Variants in E2F7 observed in about 807,000 individuals in gnomAD.
E2F7 encodes transcription factor E2F7.
In E2F7, 35 loss-of-function variants were observed where a neutral mutation model predicts 81.1. The ratio of observed to expected loss-of-function variants is 0.43; its 90% confidence interval spans 0.33 to 0.57. E2F7 has a LOEUF of 0.57. E2F7 is among the 20% of genes least tolerant of loss of function. The probability of loss-of-function intolerance (pLI) is 0.04; values close to 1 mark genes in which losing one functional copy is unlikely to be tolerated. For synonymous variants in E2F7, 416 were observed against 416.2 expected, an observed-to-expected ratio of 1.00 and a Z score of 0.01; for missense variants, 961 against 1,093.7, an observed-to-expected ratio of 0.88 and a Z score of 1.71.
chr12:77,027,736 A>C (rs1210100009), intron 11 of E2F7, 147 bp downstream of exon 11: 3 of 1,067,574 alleles, frequency 2.8e-6, no homozygotes, highest in Non-Finnish European at 3.9e-6. Flanking sequence ...CTTCATTTAT[A>C]GATGGAGAAA....
chr12:77,022,077 C>T lies in E2F7; in HGVS notation c.*1938G>A, dbSNP rs1457067973. The T allele has an allele frequency of 6.6e-6, 1 of 152,132 alleles. No individual in the cohort carries two copies. The highest frequency in any genetic ancestry group is 1.5e-5 in the Non-Finnish European group (1 of 68,020). 9.4% of individuals were successfully genotyped at this position (152,132 alleles called of 1,614,324 possible). A position where few individuals can be genotyped will look rare whatever the true frequency, so the allele number is the denominator to read the frequency against. ...CAAAAATGTTAAAACAAGTATAGAG[C>T]ATTCAGGAACAGTGAGGGGAAAAGC... On this transcript the variant is annotated 3_prime_UTR_variant, in exon 13 of 13. Coordinates refer to ENST00000322886, the MANE Select transcript of E2F7 (RefSeq NM_203394.3).
Position 77,064,548 on chromosome 12 carries a change from G to A in E2F7, c.88C>T (p.Gln30Ter). The change falls in exon 2 of 13, where the codon CAA (glutamine) becomes TAA (stop). Residue 30 changes from glutamine (Q) to a stop codon, truncating the protein, a stop_gained. Transcript: ENST00000322886. LOFTEE classifies it high-confidence loss of function. ...DFAVEDGENA[Q>*]KENIFVDRSR... ...AGGTGTTTATGTTTGCTTACCTTTT[G>A]TGCATTTTCCCCATCTTCAACTGCA... The A allele has an allele frequency of 7.4e-6, 12 of 1,613,864 alleles. No individual in the cohort carries two copies. The highest frequency in any genetic ancestry group is 1.0e-5 in the Non-Finnish European group (12 of 1,179,806).
chr12:77,045,160 G>C (rs1709912967), intron 5 of E2F7, among the ~76,000 whole-genome samples: 1 of 152,190 alleles, frequency 6.6e-6, no homozygotes, highest in South Asian at 2.1e-4. Flanking sequence ...ATTGTTTTCA[G>C]AGCCTCAACT....
rs1255060580 is a variant in E2F7 at position 77,030,027 on chromosome 12, T to C, written c.1688A>G (p.Glu563Gly). ...TGACCCTGACCCTGACGCTGGTCCC[T>C]CCTGCAGACTTCCATACAGCATGAA... The part of the protein sequence containing the change: ...SLFMLYGSLQ[E>G]GPASGSGSER... Residue 563 changes from glutamate to glycine, a missense_variant, in exon 10 of 13, where the codon GAG becomes GGG. This residue lies in a region of E2F7 where 587 missense variants were observed against 620.3 expected (regional missense o/e 0.95). Transcript: ENST00000322886. 6.2e-7 allele frequency: 1 copy of C among 1,614,216 alleles called. No individual in the cohort carries two copies. Among genetic ancestry groups the C allele is most frequent in the East Asian group, 2.2e-5 (1 of 44,878 alleles).
chr12:77,030,766 G>A (rs1298738041), intron 9 of E2F7, among the ~76,000 whole-genome samples: 1 of 152,180 alleles, frequency 6.6e-6, no homozygotes, highest in Non-Finnish European at 1.5e-5. Context: ...CGCAGAGGTT[G>A]ATCACCCTGC....
intron 11 of E2F7, 62 bp downstream of exon 11, chr12:77,027,821 T>A (rs1184551971): frequency 2.5e-6 from 4 of 1,576,480 alleles, no homozygotes; most frequent in Non-Finnish European, 3.4e-6. Flanking sequence ...GACAAAAATT[T>A]AAAAATCCAA....
rs1346029122 is a variant in E2F7 at position 77,023,941 on chromosome 12, TGGTTTGCATCCCGCCTC to T, written c.*57_*73del. ...GGAAGGACCCGTGCTCAGGACGGGA[TGGTTTGCATCCCGCCTC>T]GGACATCCGGGACTCTCAGGGCGTT... On this transcript the variant is annotated 3_prime_UTR_variant, in exon 13 of 13. Coordinates refer to ENST00000322886, the MANE Select transcript of E2F7 (RefSeq NM_203394.3). The T allele has an allele frequency of 1.9e-6, 3 of 1,549,072 alleles. No individual in the cohort carries two copies. Among genetic ancestry groups the T allele is most frequent in the Admixed American group, 1.9e-5 (1 of 52,612 alleles).
chr12:77,047,809 G>C (rs1280382208), intron 4 of E2F7, among the ~76,000 whole-genome samples: 2 of 152,192 alleles, frequency 1.3e-5, no homozygotes, highest in African/African-American at 4.8e-5. Flanking sequence ...GAAGGTGCTG[G>C]CAGGAGCAGG....
chr12:77,037,355 C>T (rs752777197), intron 7 of E2F7, among the ~76,000 whole-genome samples: 14 of 152,248 alleles, frequency 9.2e-5, no homozygotes, highest in Non-Finnish European at 1.9e-4. Flanking sequence ...CTTTGGAAGG[C>T]TGAGGCGGGT....
intron 4 of E2F7, among the ~76,000 whole-genome samples, chr12:77,049,834 T>G (rs1954971596): frequency 6.6e-6 from 1 of 152,236 alleles, no homozygotes; most frequent in Admixed American, 6.5e-5. Context: ...TTTTTCTTTT[T>G]TGTGTGTATG....
chr12:77,034,082 G>C, intron 7 of E2F7, 40 bp from the exon 8 acceptor site: 1 of 1,547,106 alleles, frequency 6.5e-7, no homozygotes, highest in Non-Finnish European at 8.8e-7. Context: ...TTATACAGCT[G>C]TAATTCAGGA....
At chr12:77,032,903 G>A in intron 9 of E2F7, 147 bp downstream of exon 9, 2 of 641,274 alleles carry the variant, frequency 3.1e-6, no homozygotes, top group Non-Finnish European at 5.4e-6. Flanking sequence ...CCTGCACAGT[G>A]TAGGGCACAA....
At chr12:77,029,270 C>T (rs1021918451) in intron 10 of E2F7, among the ~76,000 whole-genome samples, 1 of 152,212 alleles carries the variant, frequency 6.6e-6, no homozygotes, top group Non-Finnish European at 1.5e-5. Context: ...TGACAGTGCT[C>T]CTGCTTTCTG....
chr12:77,029,149 C>T (rs1954783029), intron 10 of E2F7, among the ~76,000 whole-genome samples: 1 of 152,100 alleles, frequency 6.6e-6, no homozygotes, highest in Admixed American at 6.5e-5. Flanking sequence ...AGGCTATCTA[C>T]AAAATGAGAA....
chr12:77,023,752 A>G lies in E2F7; in HGVS notation c.*263T>C, dbSNP rs1040144672. ...TAGCCTATTCAGATCTACTTCCAGA[A>G]TAAGACGATTCTTGAATCAAAACCA... On this transcript the variant is annotated 3_prime_UTR_variant, in exon 13 of 13. Coordinates refer to ENST00000322886, the MANE Select transcript of E2F7 (RefSeq NM_203394.3). 15 of 408,058 alleles carry G rather than the reference A, an allele frequency of 3.7e-5. No individual in the cohort carries two copies. Among genetic ancestry groups the G allele is most frequent in the African/African-American group, 2.2e-4 (11 of 49,554 alleles). The allele number at this position is 408,058 out of a possible 1,614,324, so 25.3% of individuals were successfully genotyped here. A position where few individuals can be genotyped will look rare whatever the true frequency, so the allele number is the denominator to read the frequency against.
At chr12:77,027,119 G>A (rs1954766187) in intron 11 of E2F7, among the ~76,000 whole-genome samples, 1 of 152,184 alleles carries the variant, frequency 6.6e-6, no homozygotes, top group African/African-American at 2.4e-5. Flanking sequence ...TTCTAGATAA[G>A]TGAATAATCA....
chr12:77,063,858 T>G (rs773641753), intron 2 of E2F7, among the ~76,000 whole-genome samples: 2 of 152,216 alleles, frequency 1.3e-5, no homozygotes, highest in African/African-American at 4.8e-5. Flanking sequence ...ATTCAAAGTT[T>G]CTAAAACTTG....
At chr12:77,045,716 A>G (rs1450106445) in intron 5 of E2F7, 2 of 274,992 alleles carry the variant, frequency 7.3e-6, no homozygotes, top group Non-Finnish European at 1.4e-5. Context: ...TTGAAAATAT[A>G]ACTTTTTCAA....
chr12:77,062,691 A>G (rs1330740538), intron 2 of E2F7, among the ~76,000 whole-genome samples: 9 of 152,192 alleles, frequency 5.9e-5, no homozygotes, highest in African/African-American at 2.4e-5. Flanking sequence ...AAGGTACTTG[A>G]TAAAAGTCAT....
Sources: gnomAD v4.1 joint callset for allele counts (sites outside exome capture counted in the v4.1 genomes callset) on GRCh38, gnomAD v4.1.1 for gene constraint, gnomAD v4.1.1 regional missense constraint, MANE v1.5 for transcripts, NCBI Gene and HGNC (gene_info 2026-07-23, HGNC 2026-07-21) for gene names.